CDC20B: variants seen among roughly 807,000 people sequenced by gnomAD.
CDC20B encodes the protein cell division cycle protein 20 homolog B.
CDC20B carries 58 observed loss-of-function variants against 64.1 expected under a neutral mutation model. That is an observed-to-expected ratio of 0.90 (90% CI 0.73 to 1.13). The LOEUF is 1.13. CDC20B is among the 50% of genes most tolerant of loss of function. CDC20B has a pLI of 0.00. For missense variants in CDC20B, 597 were observed against 633.0 expected, an observed-to-expected ratio of 0.94 and a Z score of 0.61; for synonymous variants, 243 against 230.6, an observed-to-expected ratio of 1.05 and a Z score of -0.49.
intron 4 of CDC20B, among the ~76,000 whole-genome samples, chr5:55,142,191 A>C (rs1177700447): frequency 6.6e-6 from 1 of 152,154 alleles, no homozygotes; most frequent in Non-Finnish European, 1.5e-5. Flanking sequence ...GAATTCTGAA[A>C]GTCTCCACGG....
chr5:55,140,854 G>C (rs1318953149), intron 4 of CDC20B, among the ~76,000 whole-genome samples: 1 of 151,942 alleles, frequency 6.6e-6, no homozygotes, highest in East Asian at 1.9e-4. Flanking sequence ...CATCCCTTTG[G>C]GCCAATATAT....
At chr5:55,134,283 T>C (rs1743103150) in intron 5 of CDC20B, among the ~76,000 whole-genome samples, 1 of 152,112 alleles carries the variant, frequency 6.6e-6, no homozygotes, top group Non-Finnish European at 1.5e-5. Context: ...TGGCTTCTGA[T>C]AAAAGCATGA....
chr5:55,137,758 G>A (rs1743222379), intron 5 of CDC20B: 1 of 441,814 alleles, frequency 2.3e-6, no homozygotes, highest in Non-Finnish European at 4.6e-6. Flanking sequence ...AAGGGGTGAA[G>A]ACACAAGAAC....
rs140807412 is a variant in CDC20B at position 55,118,011 on chromosome 5, T to C, written c.1459+1790A>G. Among the ~76,000 whole-genome samples, 56 of 152,058 alleles carry C rather than the reference T, an allele frequency of 3.7e-4. No individual in the cohort carries two copies. The East Asian group carries it at 8.7e-3, about 24-fold the overall frequency. On this transcript the variant is annotated intron_variant, in intron 11 of 11. Transcript: ENST00000381375. ...GTTGGCGCCTGTAGTCCCAGCTACT[T>C]GGGAGGCTGAGGCAGGAGAATTGCT...
intron 5 of CDC20B, among the ~76,000 whole-genome samples, chr5:55,139,056 GTT>G (rs112057021): frequency 2.0e-5 from 3 of 147,196 alleles, no homozygotes; most frequent in South Asian, 2.1e-4. Flanking sequence ...TTTACAATGA[GTT>G]TTTTTTTTTA....
rs915150535 is a variant in CDC20B at position 55,128,410 on chromosome 5, C to A, written c.894+11G>T. ...GAGAACATGATGAGAAAAAAAAAAA[C>A]TGGCCAGTACTTGCACTTCTCCCTC... is the stretch of plus-strand genomic sequence containing the variant. On this transcript the variant is annotated intron_variant, in intron 7 of 11. Coordinates refer to ENST00000381375, the MANE Select transcript of CDC20B (RefSeq NM_001170402.1). 14 of 1,558,564 alleles carry A rather than the reference C, an allele frequency of 9.0e-6. No homozygotes were observed. Among genetic ancestry groups the A allele is most frequent in the African/African-American group, 5.7e-5 (4 of 70,182 alleles).
Position 55,157,728 on chromosome 5 carries a change from A to G in CDC20B, c.127-10872T>C, listed in dbSNP as rs144412327. On this transcript the variant is annotated intron_variant, in intron 2 of 11. Coordinates refer to ENST00000381375, the MANE Select transcript of CDC20B (RefSeq NM_001170402.1). Reference sequence around the variant, plus strand: ...AATCCATTCATCTCTGGATCACTTGATAAGAGTTTCTGTACTTATAATACA... The same window carrying G: ...AATCCATTCATCTCTGGATCACTTGGTAAGAGTTTCTGTACTTATAATACA... Among the ~76,000 whole-genome samples, 3 of 152,342 alleles carry G rather than the reference A, an allele frequency of 2.0e-5. No homozygotes were observed. The East Asian group carries it at 5.8e-4, about 29-fold the overall frequency.
intron 5 of CDC20B, chr5:55,137,301 G>T: frequency 3.3e-6 from 1 of 305,122 alleles, no homozygotes; most frequent in Middle Eastern, 1.2e-3. Flanking sequence ...CCCTGATAAC[G>T]CTCACAACAC....
chr5:55,143,755 C>A (rs1280580286), intron 3 of CDC20B, 112 bp from the exon 4 acceptor site: 4 of 1,018,494 alleles, frequency 3.9e-6, no homozygotes, highest in Non-Finnish European at 5.7e-6. Flanking sequence ...AAAGCCCAGG[C>A]TCTCGTCACT....
intron 3 of CDC20B, among the ~76,000 whole-genome samples, chr5:55,146,249 GT>G (rs1743470704): frequency 6.6e-6 from 1 of 152,144 alleles, no homozygotes; most frequent in Non-Finnish European, 1.5e-5. Flanking sequence ...ATCAGACCAC[GT>G]GCAAATAAGG....
chr5:55,165,787 CACTT>C (rs1744349757), intron 2 of CDC20B: 1 of 152,210 alleles, frequency 6.6e-6, no homozygotes, highest in African/African-American at 2.4e-5. Flanking sequence ...TTAGGCAAGT[CACTT>C]AAGTACCTTA....
At chr5:55,131,651 C>T (rs1743031388) in intron 6 of CDC20B, among the ~76,000 whole-genome samples, 1 of 152,106 alleles carries the variant, frequency 6.6e-6, no homozygotes, top group Non-Finnish European at 1.5e-5. Context: ...AGAGTAGTTT[C>T]AATTGAATGA....
intron 2 of CDC20B, among the ~76,000 whole-genome samples, chr5:55,158,907 A>G (rs1384148660): frequency 6.6e-6 from 1 of 152,188 alleles, no homozygotes; most frequent in Non-Finnish European, 1.5e-5. Flanking sequence ...GTGCCCAAGT[A>G]GAGGTGGGTT....
chr5:55,114,386 C>T lies in CDC20B; in HGVS notation c.1460-68G>A. 1 of 1,554,320 alleles carries T rather than the reference C, an allele frequency of 6.4e-7. No homozygotes were observed. The highest frequency in any genetic ancestry group is 8.7e-7 in the Non-Finnish European group (1 of 1,149,254). On this transcript the variant is annotated intron_variant, in intron 11 of 11. Transcript: ENST00000381375. This position sits in a 1 kb window ranked among gnomAD's most constrained non-coding sequence, Gnocchi z 4.1. ...ATGGGCTGCTGCTCAGGACTGTAGGCAATGTAAGTTGGGGCCATGAGTCCC... is the reference window on the plus strand; with the variant it reads ...ATGGGCTGCTGCTCAGGACTGTAGGTAATGTAAGTTGGGGCCATGAGTCCC...
Position 55,119,487 on chromosome 5 carries a change from G to A in CDC20B, c.1459+314C>T, listed in dbSNP as rs113643112. Among the ~76,000 whole-genome samples the A allele has an allele frequency of 5.9e-3, 897 of 152,198 alleles. 12 individuals are homozygous for A. Among genetic ancestry groups the A allele is most frequent in the African/African-American group, 0.02 (850 of 41,514 alleles). ...CTTTATCTTCCACCCATTCTACACC[G>A]CTGGTTTTTCTTCAAAATAAGATGA... On this transcript the variant is annotated intron_variant, in intron 11 of 11. Transcript: ENST00000381375.
chr5:55,166,582 A>C (rs965393043), intron 2 of CDC20B: 1 of 152,202 alleles, frequency 6.6e-6, no homozygotes, highest in African/African-American at 2.4e-5. Flanking sequence ...CTGTAACTCA[A>C]ATGCCTCATA....
chr5:55,147,801 C>T (rs1203181554), intron 2 of CDC20B, among the ~76,000 whole-genome samples: 1 of 152,046 alleles, frequency 6.6e-6, no homozygotes, highest in Non-Finnish European at 1.5e-5. Context: ...ACTGAACATG[C>T]AAGATGTTTG....
intron 9 of CDC20B, 42 bp from the exon 10 acceptor site, chr5:55,120,592 A>G: frequency 6.2e-7 from 1 of 1,607,472 alleles, no homozygotes; most frequent in Non-Finnish European, 8.5e-7. Context: ...TCAGCTTCAA[A>G]GGAGGTGCAC....
chr5:55,163,476 T>C (rs1247013912), intron 2 of CDC20B, among the ~76,000 whole-genome samples: 2 of 151,988 alleles, frequency 1.3e-5, no homozygotes, highest in Non-Finnish European at 2.9e-5. Flanking sequence ...ATCCCAGCAA[T>C]TTGGGATTAC....
Sources: allele counts gnomAD v4.1 joint callset (sites outside exome capture counted in the v4.1 genomes callset), GRCh38; gene constraint gnomAD v4.1.1; non-coding constraint Gnocchi (gnomAD v3.1); transcripts MANE v1.5; gene names NCBI Gene and HGNC (gene_info 2026-07-23, HGNC 2026-07-21).